ANKS1B: variants seen among roughly 807,000 people sequenced by gnomAD.
The protein encoded by ANKS1B is ankyrin repeat and sterile alpha motif domain containing 1B.
ANKS1B carries 36 observed loss-of-function variants against 148.3 expected under a neutral mutation model. The observed-to-expected ratio is 0.24, with a 90% CI of 0.19 to 0.32. The LOEUF is 0.32. ANKS1B is among the 10% of genes least tolerant of loss of function. The probability of loss-of-function intolerance (pLI) is 1.00; values close to 1 mark genes in which losing one functional copy is unlikely to be tolerated. For synonymous variants in ANKS1B, 542 were observed against 560.8 expected (o/e 0.97, Z 0.47); for missense variants, 1,157 against 1,542.6 (o/e 0.75, Z 4.19).
At chr12:99,669,993 A>G (rs7303929) in intron 8 of ANKS1B, among the ~76,000 whole-genome samples, 18,504 of 152,102 alleles carry the variant, frequency 0.12, 1,752 homozygotes, top group East Asian at 0.46. Flanking sequence ...CTGATCATGA[A>G]TGTTTGACAT....
chr12:98,975,436 C>T (rs1397839052), intron 17 of ANKS1B, among the ~76,000 whole-genome samples: 1 of 151,640 alleles, frequency 6.6e-6, no homozygotes, highest in African/African-American at 2.4e-5. Flanking sequence ...TTCCTTCTTT[C>T]TTGCCTTCCT....
chr12:99,719,922 C>G (rs929433233), intron 8 of ANKS1B, among the ~76,000 whole-genome samples: 13 of 152,186 alleles, frequency 8.5e-5, no homozygotes, highest in Admixed American at 6.5e-4. Flanking sequence ...TCCTTCTCAT[C>G]TGGCCACTCC....
At chr12:99,497,371 G>T (rs1266327451) in intron 10 of ANKS1B, among the ~76,000 whole-genome samples, 2 of 152,174 alleles carry the variant, frequency 1.3e-5, no homozygotes, top group African/African-American at 4.8e-5. Context: ...GGAACTCACA[G>T]ATACAGAGGG....
rs556344234 is a variant in ANKS1B at position 99,775,752 on chromosome 12, C to T, written c.848-91G>A. The T allele has an allele frequency of 2.0e-5, 14 of 706,546 alleles. No individual in the cohort carries two copies. In the African/African-American group the frequency reaches 2.3e-4, roughly 12 times the overall value. The allele number at this position is 706,546 out of a possible 1,614,324, so 43.8% of individuals were successfully genotyped here. ...GTTTTACTTCTGGTAATCAGTTTTT[C>T]ATTTATTTTTTCATATCCTAAATAT... On this transcript the variant is annotated intron_variant, in intron 6 of 26. Transcript: ENST00000683438.
chr12:98,768,787 G>A (rs963805584), intron 25 of ANKS1B, among the ~76,000 whole-genome samples: 1 of 148,384 alleles, frequency 6.7e-6, no homozygotes, highest in East Asian at 2.0e-4. Context: ...AAGAAGCCCC[G>A]CACACTCCAC....
At chr12:98,850,517 G>C (rs2099517824) in intron 17 of ANKS1B, among the ~76,000 whole-genome samples, 1 of 128,814 alleles carries the variant, frequency 7.8e-6, no homozygotes, top group South Asian at 2.4e-4. Context: ...GCCCAGGCCA[G>C]AGTGCAGTGG....
intron 22 of ANKS1B, among the ~76,000 whole-genome samples, chr12:98,786,945 C>T (rs2098800966): frequency 6.6e-6 from 1 of 152,184 alleles, no homozygotes; most frequent in Admixed American, 6.5e-5. Context: ...TATTTTTAAC[C>T]TACACATGGC....
intron 11 of ANKS1B, among the ~76,000 whole-genome samples, chr12:99,419,882 T>C (rs2095032249): frequency 6.6e-6 from 1 of 152,148 alleles, no homozygotes; most frequent in African/African-American, 2.4e-5. Context: ...TGTTGCCAGG[T>C]TGGTCTCAAA....
chr12:99,292,287 C>T (rs575861052), intron 12 of ANKS1B, among the ~76,000 whole-genome samples: 8 of 151,268 alleles, frequency 5.3e-5, no homozygotes, highest in African/African-American at 1.5e-4. Flanking sequence ...GGTCAAGAGA[C>T]CGAGACTATT....
intron 17 of ANKS1B, among the ~76,000 whole-genome samples, chr12:98,890,157 T>G (rs2099749332): frequency 6.6e-6 from 1 of 152,186 alleles, no homozygotes. Flanking sequence ...GAGGGCCAGT[T>G]TGTAAATAAC....
chr12:99,932,901 G>T (rs1272597660), intron 1 of ANKS1B, among the ~76,000 whole-genome samples: 1 of 152,092 alleles, frequency 6.6e-6, no homozygotes, highest in East Asian at 1.9e-4. Flanking sequence ...ATAGTCTGGG[G>T]TCTTAAAGTC....
Position 99,271,662 on chromosome 12 carries a change from C to CTATATATATATATATATATATATATA in ANKS1B, c.1757-24824_1757-24799dup, listed in dbSNP as rs59207203. ...ATTCAGTCAGTAGTCAGTCAATAAA[C>CTATATATATATATATATATATATATA]TATATATATATATATATATATATAT... On this transcript the variant is annotated intron_variant, in intron 12 of 26. Coordinates refer to ENST00000683438, the MANE Select transcript of ANKS1B (RefSeq NM_001352186.2). Among the ~76,000 whole-genome samples the CTATATATATATATATATATATATATA allele has an allele frequency of 1.7e-3, 163 of 94,156 alleles. 7 individuals carry two copies. The highest frequency in any genetic ancestry group is 2.4e-3 in the Non-Finnish European group (116 of 47,630). The allele number at this position is 94,156 out of a possible 152,430, so 61.8% of individuals were successfully genotyped here. A position where few individuals can be genotyped will look rare whatever the true frequency, so the allele number is the denominator to read the frequency against.
intron 17 of ANKS1B, among the ~76,000 whole-genome samples, chr12:98,902,536 T>C (rs1426073230): frequency 6.6e-6 from 1 of 152,158 alleles, no homozygotes; most frequent in African/African-American, 2.4e-5. Context: ...TAAATCATAT[T>C]AGAGACTCAT....
At chr12:99,052,499 G>A (rs1052171536) in intron 17 of ANKS1B, among the ~76,000 whole-genome samples, 5 of 150,504 alleles carry the variant, frequency 3.3e-5, no homozygotes, top group Admixed American at 1.3e-4. Context: ...AGGCCGAGGC[G>A]GGTGGATCAT....
chr12:99,643,370 G>A (rs566904260), intron 9 of ANKS1B, among the ~76,000 whole-genome samples: 19 of 152,314 alleles, frequency 1.2e-4, no homozygotes, highest in Non-Finnish European at 2.6e-4. Context: ...GATATGACAA[G>A]TGTAGCGAAA....
At position 99,541,840 on chromosome 12, in the gene ANKS1B, C is replaced by T. The variant is rs184258910; in HGVS notation, c.1273-37199G>A. On this transcript the variant is annotated intron_variant, in intron 9 of 26. Coordinates refer to ENST00000683438, the MANE Select transcript of ANKS1B (RefSeq NM_001352186.2). ...ACTGCACTCCAGCCTGGCAACAGAGCGAGACTCCGTCTAAAAAAAAAAAAG... is the reference window on the plus strand; with the variant it reads ...ACTGCACTCCAGCCTGGCAACAGAGTGAGACTCCGTCTAAAAAAAAAAAAG... 3.7e-3 allele frequency among the ~76,000 whole-genome samples: 543 copies of T among 145,314 alleles called. 4 individuals carry two copies. The highest frequency in any genetic ancestry group is 0.013 in the African/African-American group (499 of 39,852).
chr12:99,294,538 G>C (rs575917524), intron 12 of ANKS1B, among the ~76,000 whole-genome samples: 27 of 152,268 alleles, frequency 1.8e-4, no homozygotes, highest in Middle Eastern at 3.4e-3. Flanking sequence ...GAAGAGTAGT[G>C]GGGGCAGGAG....
intron 9 of ANKS1B, among the ~76,000 whole-genome samples, chr12:99,642,954 ACACTAT>A (rs1348813999): frequency 4.6e-4 from 70 of 152,196 alleles, no homozygotes; most frequent in African/African-American, 1.6e-3. Flanking sequence ...TCATCATATC[ACACTAT>A]AAGTACCTTC....
At chr12:98,903,060 C>A (rs1033459705) in intron 17 of ANKS1B, among the ~76,000 whole-genome samples, 1 of 152,012 alleles carries the variant, frequency 6.6e-6, no homozygotes, top group African/African-American at 2.4e-5. Context: ...TGATTATGTA[C>A]ATTATTATGA....
Sources: allele counts gnomAD v4.1 joint callset (sites outside exome capture counted in the v4.1 genomes callset), GRCh38; gene constraint gnomAD v4.1.1; transcripts MANE v1.5; gene names NCBI Gene and HGNC (gene_info 2026-07-23, HGNC 2026-07-21).